ERN2: variants seen among roughly 807,000 people sequenced by gnomAD.
The protein encoded by ERN2 is endoplasmic reticulum to nucleus signaling 2.
A neutral mutation model predicts 107.9 loss-of-function variants in ERN2; 111 were observed. The observed-to-expected ratio is 1.03, with a 90% CI of 0.88 to 1.20. The LOEUF (loss-of-function observed/expected upper bound fraction) is 1.20, where lower values mean the gene tolerates loss of function less well. Ranked by LOEUF, ERN2 falls within the 50% of genes most tolerant of loss-of-function variation. The probability of loss-of-function intolerance (pLI) is 0.00; values close to 1 mark genes in which losing one functional copy is unlikely to be tolerated. For missense variants in ERN2, 1,225 were observed against 1,197.9 expected, an observed-to-expected ratio of 1.02 and a Z score of -0.33; for synonymous variants, 524 against 501.7, an observed-to-expected ratio of 1.04 and a Z score of -0.59.
chr16:23,701,470 A>G (rs1960062223), intron 11 of ERN2, among the ~76,000 whole-genome samples: 1 of 152,206 alleles, frequency 6.6e-6, no homozygotes, highest in South Asian at 2.1e-4. Context: ...GCTCTAGGCC[A>G]TGGCTGTTCC....
Position 23,694,626 on chromosome 16 carries a change from A to G in ERN2, c.2100+102T>C, listed in dbSNP as rs1332836992. ...TTGGAGGAGCAGCTCAAAGTCACAC[A>G]GCAAGTGTCATGGAGTCTCCTCAGG... On this transcript the variant is annotated intron_variant, in intron 17 of 21. Coordinates refer to ENST00000256797, the MANE Select transcript of ERN2 (RefSeq NM_033266.4). 1.0e-5 allele frequency: 10 copies of G among 965,638 alleles called. No homozygotes were observed. In the South Asian group the frequency reaches 1.2e-4, roughly 12 times the overall value. 59.8% of individuals were successfully genotyped at this position (965,638 alleles called of 1,614,324 possible). A position where few individuals can be genotyped will look rare whatever the true frequency, so the allele number is the denominator to read the frequency against.
chr16:23,693,715 T>G (rs1304013627), intron 17 of ERN2, among the ~76,000 whole-genome samples: 2 of 152,048 alleles, frequency 1.3e-5, no homozygotes, highest in Non-Finnish European at 2.9e-5. Context: ...ACTTTAGGAG[T>G]GGGGGCAGCC....
chr16:23,706,905 A>C (rs1266125395), intron 5 of ERN2, 44 bp from the exon 6 acceptor site: 1 of 1,573,624 alleles, frequency 6.4e-7, no homozygotes, highest in Non-Finnish European at 8.7e-7. Context: ...TGGCATGGGA[A>C]GAGGTGTGGC....
Position 23,695,911 on chromosome 16 carries a change from G to A in ERN2, c.1593C>T (p.Gly531=), listed in dbSNP as rs375355404. 5.6e-6 allele frequency: 9 copies of A among 1,613,960 alleles called. No homozygotes were observed. Among genetic ancestry groups the A allele is most frequent in the South Asian group, 3.3e-5 (3 of 91,076 alleles). ...CCACTCACCGGAAAACGAAAGTCCC[G>A]CCTGCCCCGCGGCCCAGCACGTCCT... ...NPKDVLGRGA[G]GTFVFRGQFE... The change falls in exon 14 of 22, where the codon GGC becomes GGT. Residue 531 remains glycine, a synonymous_variant. Coordinates refer to ENST00000256797, the MANE Select transcript of ERN2 (RefSeq NM_033266.4).
At position 23,713,094 on chromosome 16, in the gene ERN2, C is replaced by T. The variant is rs1434823440; in HGVS notation, c.93+1G>A. On this transcript the variant is annotated splice_donor_variant, in intron 1 of 21. Transcript: ENST00000256797. LOFTEE classifies it high-confidence loss of function. The stretch of plus-strand genomic sequence containing the variant: ...ACTTGGCGTCGGTCCCTGGCTCTCA[C>T]CTGTGGACTCAGCGTCCCGAGCAGC... The T allele has an allele frequency of 1.9e-6, 3 of 1,573,650 alleles. No homozygotes were observed. Among genetic ancestry groups the T allele is most frequent in the African/African-American group, 2.7e-5 (2 of 73,684 alleles).
chr16:23,701,968 C>T (rs907375357), intron 11 of ERN2, among the ~76,000 whole-genome samples, 184 bp downstream of exon 11: 3 of 74,316 alleles, frequency 4.0e-5, no homozygotes, highest in African/African-American at 8.7e-5. Flanking sequence ...GTGTTTCTGG[C>T]AGTAACAACA....
At chr16:23,706,509 G>A (rs1960320987) in intron 6 of ERN2, 78 bp from the exon 7 acceptor site, 2 of 1,135,926 alleles carry the variant, frequency 1.8e-6, no homozygotes, top group Admixed American at 2.0e-5. Context: ...TTATCTTGCA[G>A]GAGTGGGGGT....
At chr16:23,712,998 C>A (rs1443453803) in intron 1 of ERN2, 97 bp downstream of exon 1, 6 of 909,986 alleles carry the variant, frequency 6.6e-6, no homozygotes, top group Middle Eastern at 3.4e-4. Context: ...GGAGAGGTGC[C>A]CCCGTGGCCC....
In ERN2 at chr16:23,706,841, A is replaced by G; in HGVS notation, c.400T>C (p.Phe134Leu). 1 of 1,613,838 alleles carries G rather than the reference A, an allele frequency of 6.2e-7. No homozygotes were observed. Among genetic ancestry groups the G allele is most frequent in the Non-Finnish European group, 8.5e-7 (1 of 1,179,834 alleles). Reference protein sequence around the residue: ...FYTGRKQDAWFVVDPESGETQ... With the variant: ...FYTGRKQDAWLVVDPESGETQ... ...TCCCCTGACTCAGGGTCCACCACAAACCAGGCATCCTGCTTCCGGCCTGTG... is the reference window on the plus strand; with the variant it reads ...TCCCCTGACTCAGGGTCCACCACAAGCCAGGCATCCTGCTTCCGGCCTGTG... The change falls in exon 6 of 22, where the codon TTT (phenylalanine) becomes CTT (leucine). Residue 134 changes from phenylalanine (F) to leucine (L), a missense_variant. Coordinates refer to ENST00000256797, the MANE Select transcript of ERN2 (RefSeq NM_033266.4).
chr16:23,704,861 G>T, intron 8 of ERN2, 22 bp downstream of exon 8: 1 of 1,599,022 alleles, frequency 6.3e-7, no homozygotes. Context: ...TCCCTCCCTG[G>T]GCCCCAGGCA....
chr16:23,710,818 T>A (rs1264318777), intron 2 of ERN2, 95 bp downstream of exon 2: 11 of 1,005,062 alleles, frequency 1.1e-5, no homozygotes, highest in Non-Finnish European at 1.7e-5. Context: ...GCTTATTGGA[T>A]TCTAGAGCCC....
In ERN2 at chr16:23,710,793, T is replaced by C. The variant is rs144657255; in HGVS notation, c.199+120A>G. 1.8e-3 allele frequency: 1,580 copies of C among 860,932 alleles called. 15 individuals carry two copies. In the African/African-American group the frequency reaches 0.021, roughly 11 times the overall value. 53.3% of individuals were successfully genotyped at this position (860,932 alleles called of 1,614,324 possible). On this transcript the variant is annotated intron_variant, in intron 2 of 21. Coordinates refer to ENST00000256797, the MANE Select transcript of ERN2 (RefSeq NM_033266.4). ...CCACACAGCTGGTAAGCAGTGAAGC[T>C]GCCTGTAGATACCAGCTTATTGGAT...
chr16:23,698,401 AT>A (rs1394142578), intron 13 of ERN2, among the ~76,000 whole-genome samples: 2 of 152,200 alleles, frequency 1.3e-5, no homozygotes, highest in Non-Finnish European at 1.5e-5. Flanking sequence ...CATTCAAAGG[AT>A]TCAGAACACT....
rs766236251 is a variant in ERN2, at chr16:23,705,054, G to C, written c.683C>G (p.Pro228Arg). ...TVLWTQDLGV[P>R]VMGVYTWHQD... The stretch of plus-strand genomic sequence containing the variant: ...GTGCCAGGTGTAGACGCCCATCACA[G>C]GCACGCCCAGGTCCTGTGTCCACAG... The change falls in exon 8 of 22, where the codon CCT becomes CGT. Residue 228 changes from proline (P) to arginine (R), a missense_variant. Transcript: ENST00000256797. The C allele has an allele frequency of 1.2e-6, 2 of 1,614,002 alleles. No individual in the cohort carries two copies. Among genetic ancestry groups the C allele is most frequent in the Admixed American group, 3.3e-5 (2 of 60,018 alleles).
Position 23,690,556 on chromosome 16 carries a change from G to A in ERN2, c.*275C>T. On this transcript the variant is annotated 3_prime_UTR_variant, in exon 22 of 22. Transcript: ENST00000256797. ...TGCAGCCTCGAACTCCTGGGCTCAA[G>A]TGATTCTCCCACCTCAGCCTCCCAA... 2.0e-6 allele frequency: 1 copy of A among 500,030 alleles called. No homozygotes were observed. Among genetic ancestry groups the A allele is most frequent in the South Asian group, 2.1e-5 (1 of 47,924 alleles). The allele number at this position is 500,030 out of a possible 1,614,324, so 31.0% of individuals were successfully genotyped here.
At chr16:23,703,612 C>T (rs1002405894) in intron 8 of ERN2, among the ~76,000 whole-genome samples, 1 of 152,186 alleles carries the variant, frequency 6.6e-6, no homozygotes, top group African/African-American at 2.4e-5. Context: ...TTAAAACTCT[C>T]CAGTGACTTT....
At chr16:23,706,576 C>G (rs967946971) in intron 6 of ERN2, 145 bp from the exon 7 acceptor site, 17 of 744,898 alleles carry the variant, frequency 2.3e-5, no homozygotes, top group Non-Finnish European at 3.2e-5. Context: ...GTGGCAGAGA[C>G]TGGAGCTGTC....
intron 17 of ERN2, 46 bp from the exon 18 acceptor site, chr16:23,692,377 G>T: frequency 6.3e-7 from 1 of 1,599,704 alleles, no homozygotes; most frequent in Non-Finnish European, 8.5e-7. Context: ...CTGCTTCCAG[G>T]AAGTCAGCCT....
chr16:23,710,676 C>T (rs1181906283), intron 2 of ERN2, 127 bp from the exon 3 acceptor site: 2 of 1,124,256 alleles, frequency 1.8e-6, no homozygotes, highest in Non-Finnish European at 1.3e-6. Context: ...ATGCCATCTT[C>T]CCAAAAACTC....
Sources: allele counts gnomAD v4.1 joint callset (sites outside exome capture counted in the v4.1 genomes callset), GRCh38; gene constraint gnomAD v4.1.1; transcripts MANE v1.5; gene names NCBI Gene and HGNC (gene_info 2026-07-23, HGNC 2026-07-21).